Variants in MAP2 observed in about 807,000 individuals in gnomAD.
MAP2 encodes the protein microtubule-associated protein 2.
Under a neutral mutation model 137.6 loss-of-function variants are expected in MAP2, and 14 were observed. The ratio of observed to expected loss-of-function variants is 0.10; its 90% CI spans 0.07 to 0.16. The LOEUF (loss-of-function observed/expected upper bound fraction) is 0.16. Ranked by LOEUF, MAP2 falls within the 10% of genes least tolerant of loss-of-function variation. The pLI, the probability that MAP2 is intolerant of heterozygous loss-of-function variation, is 1.00. For synonymous variants in MAP2, 786 were observed against 782.3 expected (o/e 1.00, Z -0.08); for missense variants, 2,088 against 2,191.5 (o/e 0.95, Z 0.94).
chr2:209,437,278 G>T (rs753852106), intron 1 of MAP2, among the ~76,000 whole-genome samples: 3 of 151,586 alleles, frequency 2.0e-5, no homozygotes, highest in Non-Finnish European at 4.4e-5. Flanking sequence ...AACTTTAGTG[G>T]TCCTGGTAGG....
At chr2:209,614,507 C>T (rs1474380776) in intron 3 of MAP2, among the ~76,000 whole-genome samples, 2 of 152,092 alleles carry the variant, frequency 1.3e-5, no homozygotes. Context: ...TCATATTATG[C>T]ACTCAGGAAT....
chr2:209,630,088 T>A (rs537564064), intron 4 of MAP2, among the ~76,000 whole-genome samples: 1 of 152,110 alleles, frequency 6.6e-6, no homozygotes, highest in East Asian at 1.9e-4. Flanking sequence ...TTTTTAAAAA[T>A]GGTGGTCCAG....
intron 1 of MAP2, among the ~76,000 whole-genome samples, chr2:209,450,489 CATAAAT>C (rs1193594030): frequency 1.3e-5 from 2 of 152,174 alleles, no homozygotes; most frequent in Non-Finnish European, 2.9e-5. Flanking sequence ...AGGGAAGAAT[CATAAAT>C]ATAATTTCTA....
intron 1 of MAP2, among the ~76,000 whole-genome samples, chr2:209,454,467 C>T (rs534349453): frequency 6.6e-6 from 1 of 152,138 alleles, no homozygotes; most frequent in Non-Finnish European, 1.5e-5. Flanking sequence ...TCCCGAGTAG[C>T]TGGGATTAGA....
At chr2:209,427,808 G>T (rs1056374531) in intron 1 of MAP2, among the ~76,000 whole-genome samples, 1 of 152,106 alleles carries the variant, frequency 6.6e-6, no homozygotes, top group Non-Finnish European at 1.5e-5. Context: ...CCAAAGTCAA[G>T]GGAGACAGTC....
At chr2:209,528,220 A>G (rs1277193328) in intron 2 of MAP2, among the ~76,000 whole-genome samples, 1 of 151,860 alleles carries the variant, frequency 6.6e-6, no homozygotes, top group East Asian at 1.9e-4. Context: ...CACATGGTAT[A>G]TGTATAAATT....
chr2:209,601,972 T>G lies in MAP2; in HGVS notation c.-107+21872T>G, dbSNP rs183402228. Among the ~76,000 whole-genome samples the G allele has an allele frequency of 2.8e-3, 427 of 152,334 alleles. 1 individual carries two copies. The highest frequency in any genetic ancestry group is 6.1e-3 in the Admixed American group (93 of 15,296). On this transcript the variant is annotated intron_variant, in intron 3 of 15. Coordinates refer to ENST00000682079, the MANE Select transcript of MAP2 (RefSeq NM_001375505.1). ...TGATATGCATGAACTCTTCCAAGCT[T>G]CAAGGTCTGTTTTAATAAAGCCCTC... is the stretch of plus-strand genomic sequence containing the variant.
intron 1 of MAP2, among the ~76,000 whole-genome samples, chr2:209,501,037 CA>C (rs34783349): frequency 5.0e-4 from 58 of 115,352 alleles, no homozygotes; most frequent in East Asian, 1.4e-3. Context: ...GACCCTGTCT[CA>C]AAAAAAAAAA....
intron 4 of MAP2, among the ~76,000 whole-genome samples, chr2:209,639,717 T>C (rs1459733939): frequency 5.3e-5 from 8 of 152,086 alleles, no homozygotes; most frequent in Non-Finnish European, 8.8e-5. Context: ...CACTTCCCAC[T>C]TCACTTCTGT....
chr2:209,709,870 A>G (rs1332976269), intron 12 of MAP2, 44 bp from the exon 13 acceptor site: 1 of 1,412,366 alleles, frequency 7.1e-7, no homozygotes, highest in South Asian at 1.2e-5. Context: ...TTTGAGGAGA[A>G]TTGTCTGACT....
intron 1 of MAP2, among the ~76,000 whole-genome samples, chr2:209,465,699 A>G (rs138062700): frequency 0.011 from 1,699 of 152,296 alleles, 32 homozygotes; most frequent in African/African-American, 0.039. Context: ...TGTTCACTAC[A>G]CTACAATTTG....
At chr2:209,622,593 G>A (rs1329590293) in intron 3 of MAP2, among the ~76,000 whole-genome samples, 2 of 152,168 alleles carry the variant, frequency 1.3e-5, no homozygotes, top group African/African-American at 4.8e-5. Flanking sequence ...GCATGTTGCA[G>A]CCACTTTATA....
At chr2:209,666,792 TAA>T (rs1057338524) in intron 5 of MAP2, among the ~76,000 whole-genome samples, 4 of 152,002 alleles carry the variant, frequency 2.6e-5, no homozygotes, top group Non-Finnish European at 4.4e-5. Context: ...AATTACTAGA[TAA>T]GTTTGAATTT....
intron 2 of MAP2, among the ~76,000 whole-genome samples, chr2:209,540,097 T>TAAAA (rs35280709): frequency 2.5e-5 from 1 of 39,522 alleles, no homozygotes; most frequent in African/African-American, 8.0e-5. Flanking sequence ...GGAGACGTTG[T>TAAAA]AAAAAAAAAA....
At chr2:209,480,358 C>A (rs1468540409) in intron 1 of MAP2, among the ~76,000 whole-genome samples, 4 of 152,086 alleles carry the variant, frequency 2.6e-5, no homozygotes, top group Admixed American at 2.0e-4. Flanking sequence ...ACACAAGGAA[C>A]AATAAGGCCA....
Position 209,434,888 on chromosome 2 carries a change from TATATATGTTATA to T in MAP2, c.-222+10613_-222+10624del, listed in dbSNP as rs1287870444. Among the ~76,000 whole-genome samples, 3 of 123,904 alleles carry T rather than the reference TATATATGTTATA, an allele frequency of 2.4e-5. 1 individual carries two copies. Among genetic ancestry groups the T allele is most frequent in the Non-Finnish European group, 4.9e-5 (3 of 61,206 alleles). The allele number at this position is 123,904 out of a possible 152,430, so 81.3% of individuals were successfully genotyped here. A position where few individuals can be genotyped will look rare whatever the true frequency, so the allele number is the denominator to read the frequency against. The stretch of plus-strand genomic sequence containing the variant: ...TTATATATATGTTATATATATGTTA[TATATATGTTATA>T]TATATATGTTATATATATGTTATAT... On this transcript the variant is annotated intron_variant, in intron 1 of 15. Transcript: ENST00000682079.
chr2:209,725,402 T>G (rs1265732318), intron 13 of MAP2, among the ~76,000 whole-genome samples: 1 of 152,214 alleles, frequency 6.6e-6, no homozygotes, highest in Non-Finnish European at 1.5e-5. Flanking sequence ...ACAGTGTTGC[T>G]TAGTTCTCTG....
intron 1 of MAP2, among the ~76,000 whole-genome samples, chr2:209,466,546 A>T (rs1704164355): frequency 1.3e-5 from 2 of 152,222 alleles, no homozygotes; most frequent in South Asian, 4.1e-4. Flanking sequence ...GGTATCAAGT[A>T]CTTTACATAA....
At chr2:209,462,923 A>G (rs933685031) in intron 1 of MAP2, among the ~76,000 whole-genome samples, 5 of 152,118 alleles carry the variant, frequency 3.3e-5, no homozygotes, top group African/African-American at 9.7e-5. Flanking sequence ...TTAAATGAAA[A>G]GAGATTTTTC....
Sources: gnomAD v4.1 joint callset for allele counts (sites outside exome capture counted in the v4.1 genomes callset) on GRCh38, gnomAD v4.1.1 for gene constraint, MANE v1.5 for transcripts, NCBI Gene and HGNC (gene_info 2026-07-23, HGNC 2026-07-21) for gene names.